Variants in EFNA5 observed in about 807,000 individuals in gnomAD.
EFNA5 encodes ephrin A5, also known as ephrin-A5.
A neutral mutation model predicts 22.9 loss-of-function variants in EFNA5; 5 were observed. That is an observed-to-expected ratio of 0.22 (90% confidence interval 0.11 to 0.46). The LOEUF (loss-of-function observed/expected upper bound fraction) is 0.46, where lower values mean the gene tolerates loss of function less well. EFNA5 is among the 20% of genes least tolerant of loss of function. EFNA5 has a pLI of 0.99. For synonymous variants in EFNA5, 113 were observed against 112.2 expected, an observed-to-expected ratio of 1.01 and a Z score of -0.04; for missense variants, 237 against 293.3, an observed-to-expected ratio of 0.81 and a Z score of 1.40.
At chr5:107,524,400 T>C (rs969600773) in intron 1 of EFNA5, among the ~76,000 whole-genome samples, 17 of 152,254 alleles carry the variant, frequency 1.1e-4, no homozygotes, top group Middle Eastern at 3.4e-3. Context: ...TCACAGCTGA[T>C]CAAAAAGTGC....
intron 1 of EFNA5, among the ~76,000 whole-genome samples, chr5:107,443,312 A>C (rs1749307225): frequency 6.6e-6 from 1 of 152,230 alleles, no homozygotes; most frequent in African/African-American, 2.4e-5. Context: ...AGAGTTGGAA[A>C]GAACAGGCAA....
At chr5:107,474,553 T>C (rs191874689) in intron 1 of EFNA5, among the ~76,000 whole-genome samples, 8 of 152,262 alleles carry the variant, frequency 5.3e-5, no homozygotes, top group Admixed American at 5.2e-4. Flanking sequence ...GGTGCTGTCA[T>C]GCAACCATGC....
At position 107,622,274 on chromosome 5, in the gene EFNA5, G is replaced by A. The variant is rs1215926174; in HGVS notation, c.125+48215C>T. Among the ~76,000 whole-genome samples the A allele has an allele frequency of 2.0e-5, 3 of 152,256 alleles. No homozygotes were observed. In the East Asian group the frequency reaches 5.8e-4, roughly 29 times the overall value. On this transcript the variant is annotated intron_variant, in intron 1 of 4. Transcript: ENST00000333274. ...ATCCTAAGGAATGGCACAGTAGTGG[G>A]ATTCTCAACTGCTTTGCTACCCTAG...
At chr5:107,415,135 T>C (rs1028053447) in intron 2 of EFNA5, among the ~76,000 whole-genome samples, 2 of 152,080 alleles carry the variant, frequency 1.3e-5, no homozygotes, top group African/African-American at 2.4e-5. Flanking sequence ...ATCGGAACAA[T>C]AACAGTGCCT....
chr5:107,629,349 G>A (rs977206967), intron 1 of EFNA5, among the ~76,000 whole-genome samples: 3 of 151,898 alleles, frequency 2.0e-5, no homozygotes, highest in African/African-American at 7.3e-5. Context: ...TATGTTAATG[G>A]AATACAAACA....
intron 1 of EFNA5, among the ~76,000 whole-genome samples, chr5:107,562,023 T>C (rs569820611): frequency 2.6e-5 from 4 of 152,268 alleles, no homozygotes; most frequent in Non-Finnish European, 4.4e-5. Context: ...CCCTTGGCAG[T>C]TGAGGTCAGG....
At chr5:107,493,756 A>G (rs1026241081) in intron 1 of EFNA5, among the ~76,000 whole-genome samples, 6 of 152,216 alleles carry the variant, frequency 3.9e-5, no homozygotes. Flanking sequence ...CTTGGCCACA[A>G]CTGGTATATT....
chr5:107,585,869 T>C (rs546569976), intron 1 of EFNA5, among the ~76,000 whole-genome samples: 139 of 152,324 alleles, frequency 9.1e-4, no homozygotes, highest in Non-Finnish European at 4.6e-4. Flanking sequence ...GAAGATATTA[T>C]ATGGTATAAA....
chr5:107,617,712 T>G (rs1749952355), intron 1 of EFNA5, among the ~76,000 whole-genome samples: 1 of 152,188 alleles, frequency 6.6e-6, no homozygotes, highest in African/African-American at 2.4e-5. Flanking sequence ...GTGGGAGAAC[T>G]TGAGATGGGC....
intron 1 of EFNA5, among the ~76,000 whole-genome samples, chr5:107,464,881 C>A (rs17449298): frequency 6.6e-6 from 1 of 152,156 alleles, no homozygotes; most frequent in Non-Finnish European, 1.5e-5. Context: ...TCCCTCCTCA[C>A]TCTGCGTCCT....
At chr5:107,598,542 G>T (rs1307027874) in intron 1 of EFNA5, among the ~76,000 whole-genome samples, 1 of 152,134 alleles carries the variant, frequency 6.6e-6, no homozygotes, top group African/African-American at 2.4e-5. Context: ...ACTGGACAAT[G>T]AAACAGAATT....
rs1161217357 is a variant in EFNA5 at position 107,518,092 on chromosome 5, G to T, written c.126-90583C>A. ...AAATACAAAATTAGCAAGCCCCAGA[G>T]ACTGGAATTTCTGCTACAGGAGAGA... On this transcript the variant is annotated intron_variant, in intron 1 of 4. Transcript: ENST00000333274. Among the ~76,000 whole-genome samples the T allele has an allele frequency of 5.3e-5, 8 of 152,192 alleles. No homozygotes were observed. The East Asian group carries it at 1.5e-3, about 29-fold the overall frequency.
chr5:107,567,504 A>G (rs941256472), intron 1 of EFNA5, among the ~76,000 whole-genome samples: 1 of 152,186 alleles, frequency 6.6e-6, no homozygotes, highest in Non-Finnish European at 1.5e-5. Flanking sequence ...TGTACTCTGG[A>G]GAGGTGAGAG....
chr5:107,660,261 C>CATATATATATAT lies in EFNA5; in HGVS notation c.125+10216_125+10227dup, dbSNP rs56838945. Among the ~76,000 whole-genome samples the CATATATATATAT allele has an allele frequency of 2.9e-3, 152 of 52,410 alleles. 7 individuals are homozygous for CATATATATATAT. Among genetic ancestry groups the CATATATATATAT allele is most frequent in the Non-Finnish European group, 3.7e-3 (95 of 25,478 alleles). The allele number at this position is 52,410 out of a possible 152,430, so 34.4% of individuals were successfully genotyped here. A position where few individuals can be genotyped will look rare whatever the true frequency, so the allele number is the denominator to read the frequency against. On this transcript the variant is annotated intron_variant, in intron 1 of 4. Transcript: ENST00000333274. ...ACTGGAACCTCTGAGATGGCAAAAA[C>CATATATATATAT]ATATATATATATATATATATATATA...
chr5:107,646,145 T>A (rs1329689116), intron 1 of EFNA5, among the ~76,000 whole-genome samples: 1 of 152,096 alleles, frequency 6.6e-6, no homozygotes, highest in East Asian at 1.9e-4. Flanking sequence ...ATCTAAGGTA[T>A]AGGAAAAGAG....
intron 1 of EFNA5, among the ~76,000 whole-genome samples, chr5:107,527,824 T>C (rs1331820651): frequency 6.6e-6 from 1 of 151,872 alleles, no homozygotes; most frequent in Non-Finnish European, 1.5e-5. Context: ...TGAAAGGAAA[T>C]GAGGGAGGTC....
At chr5:107,606,605 A>C (rs2112516924) in intron 1 of EFNA5, among the ~76,000 whole-genome samples, 1 of 151,660 alleles carries the variant, frequency 6.6e-6, no homozygotes, top group Middle Eastern at 3.4e-3. Context: ...GCGGTATAGC[A>C]GAATTTTTAT....
intron 1 of EFNA5, among the ~76,000 whole-genome samples, chr5:107,496,595 G>C (rs1746992326): frequency 6.6e-6 from 1 of 152,194 alleles, no homozygotes; most frequent in African/African-American, 2.4e-5. Flanking sequence ...ACACAGATTT[G>C]TAGCAGAATA....
At chr5:107,606,384 T>C (rs1407680142) in intron 1 of EFNA5, among the ~76,000 whole-genome samples, 1 of 152,156 alleles carries the variant, frequency 6.6e-6, no homozygotes, top group Non-Finnish European at 1.5e-5. Context: ...ACTGGGTGAA[T>C]GAGTACATGA....
Sources: allele counts gnomAD v4.1 joint callset (sites outside exome capture counted in the v4.1 genomes callset), GRCh38; gene constraint gnomAD v4.1.1; transcripts MANE v1.5; gene names NCBI Gene and HGNC (gene_info 2026-07-23, HGNC 2026-07-21).